Variants in CPPED1 observed in about 807,000 individuals in gnomAD.
CPPED1 encodes serine/threonine-protein phosphatase CPPED1.
In CPPED1, 28 loss-of-function variants were observed where a neutral mutation model predicts 28.0. The observed-to-expected ratio is 1.00, with a 90% CI of 0.74 to 1.37. The LOEUF (loss-of-function observed/expected upper bound fraction) is 1.37. Ranked by LOEUF, CPPED1 falls within the 40% of genes most tolerant of loss-of-function variation. The pLI is 0.00. For synonymous variants in CPPED1, 198 were observed against 180.2 expected, an observed-to-expected ratio of 1.10 and a Z score of -0.79; for missense variants, 504 against 416.5, an observed-to-expected ratio of 1.21 and a Z score of -1.83.
chr16:12,734,581 G>A (rs779258085), intron 2 of CPPED1, among the ~76,000 whole-genome samples: 2 of 152,052 alleles, frequency 1.3e-5, no homozygotes, highest in Non-Finnish European at 2.9e-5. Flanking sequence ...GGGTTTCACC[G>A]TGTTAGCCAG....
intron 1 of CPPED1, among the ~76,000 whole-genome samples, chr16:12,785,908 C>CT (rs2080560141): frequency 6.6e-6 from 1 of 150,674 alleles, no homozygotes; most frequent in Non-Finnish European, 1.5e-5. Context: ...CTGAAGCACT[C>CT]TGAGTATGAC....
chr16:12,711,769 T>A (rs922627808), intron 2 of CPPED1, among the ~76,000 whole-genome samples: 2 of 152,216 alleles, frequency 1.3e-5, no homozygotes, highest in African/African-American at 2.4e-5. Context: ...TCTGGGGATG[T>A]TGCCCTCTGA....
intron 3 of CPPED1, among the ~76,000 whole-genome samples, chr16:12,703,319 C>T (rs974137126): frequency 2.6e-5 from 4 of 152,208 alleles, no homozygotes; most frequent in Non-Finnish European, 2.9e-5. Flanking sequence ...GGTGGGGTGG[C>T]TCACACCTGT....
At chr16:12,744,294 G>GCA (rs199563639) in intron 2 of CPPED1, among the ~76,000 whole-genome samples, 21,637 of 75,298 alleles carry the variant, frequency 0.29, 1,983 homozygotes, top group Middle Eastern at 0.43. Context: ...GAGAGAGAGA[G>GCA]AGAAAGCAAG....
intron 1 of CPPED1, among the ~76,000 whole-genome samples, chr16:12,792,033 C>T (rs1596487306): frequency 6.6e-6 from 1 of 151,850 alleles, no homozygotes; most frequent in African/African-American, 2.4e-5. Flanking sequence ...CTCAAAGCAA[C>T]CTCCGTCCCC....
At chr16:12,706,001 A>G (rs1383858822) in intron 2 of CPPED1, among the ~76,000 whole-genome samples, 1 of 152,164 alleles carries the variant, frequency 6.6e-6, no homozygotes, top group Non-Finnish European at 1.5e-5. Context: ...TAATTCTGCC[A>G]AGGTTCACGT....
At chr16:12,798,007 C>T (rs1450305749) in intron 1 of CPPED1, among the ~76,000 whole-genome samples, 1 of 152,146 alleles carries the variant, frequency 6.6e-6, no homozygotes, top group Non-Finnish European at 1.5e-5. Context: ...CACTTAAGCA[C>T]CACAGGTTGA....
At position 12,802,393 on chromosome 16, in the gene CPPED1, T is replaced by C. The variant is rs545850326; in HGVS notation, c.70+1314A>G. ...GAGGACGGCGGATCACCTGATGTTG[T>C]GAGTTCGAGACCAGCCTGGCCAACA... On this transcript the variant is annotated intron_variant, in intron 1 of 3. Transcript: ENST00000381774. Among the ~76,000 whole-genome samples, 228 of 152,100 alleles carry C rather than the reference T, an allele frequency of 1.5e-3. 1 individual carries two copies. Among genetic ancestry groups the C allele is most frequent in the African/African-American group, 5.1e-3 (213 of 41,508 alleles).
chr16:12,741,138 C>A (rs904979251), intron 2 of CPPED1, among the ~76,000 whole-genome samples: 2 of 152,026 alleles, frequency 1.3e-5, no homozygotes, highest in African/African-American at 4.8e-5. Flanking sequence ...TAACTCCAGG[C>A]CAACTAGGAT....
intron 3 of CPPED1, among the ~76,000 whole-genome samples, chr16:12,665,464 A>C (rs2079820540): frequency 6.6e-6 from 1 of 152,148 alleles, no homozygotes; most frequent in Non-Finnish European, 1.5e-5. Context: ...AGTCCTATAG[A>C]AATATCCAGA....
chr16:12,705,197 C>G (rs772590377), intron 2 of CPPED1, 148 bp from the exon 3 acceptor site: 2 of 869,044 alleles, frequency 2.3e-6, no homozygotes, highest in African/African-American at 1.7e-5. Context: ...AATGCAGTCA[C>G]GTGCTAAAAG....
intron 2 of CPPED1, among the ~76,000 whole-genome samples, chr16:12,732,291 T>C (rs1265382103): frequency 7.1e-6 from 1 of 140,864 alleles, no homozygotes; most frequent in Non-Finnish European, 1.5e-5. Flanking sequence ...AAAAGCTCGG[T>C]AGAAGGCTTA....
chr16:12,665,788 G>A (rs1416501133), intron 3 of CPPED1, among the ~76,000 whole-genome samples: 1 of 152,198 alleles, frequency 6.6e-6, no homozygotes, highest in African/African-American at 2.4e-5. Context: ...GGCTAGGCGT[G>A]GTGGCAGGTG....
chr16:12,745,676 C>T (rs527455528), intron 2 of CPPED1, among the ~76,000 whole-genome samples: 13 of 152,196 alleles, frequency 8.5e-5, no homozygotes, highest in Non-Finnish European at 1.3e-4. Context: ...CCGCTTAAGG[C>T]GGGAGGGTGG....
chr16:12,726,779 A>C (rs946155952), intron 2 of CPPED1, among the ~76,000 whole-genome samples: 1 of 152,126 alleles, frequency 6.6e-6, no homozygotes, highest in Non-Finnish European at 1.5e-5. Context: ...ACTGTACTCC[A>C]GCCTGGGTGA....
chr16:12,705,742 G>A (rs1040567859), intron 2 of CPPED1, among the ~76,000 whole-genome samples: 7 of 152,180 alleles, frequency 4.6e-5, no homozygotes, highest in African/African-American at 1.7e-4. Flanking sequence ...TGGGCAACAA[G>A]AGCGAATCTC....
At chr16:12,724,254 T>C (rs1339051258) in intron 2 of CPPED1, among the ~76,000 whole-genome samples, 2 of 152,158 alleles carry the variant, frequency 1.3e-5, no homozygotes, top group Non-Finnish European at 2.9e-5. Context: ...GGGGTCCCAC[T>C]GACTTACTAC....
chr16:12,705,815 G>A lies in CPPED1; in HGVS notation c.290-766C>T, dbSNP rs564545213. 1.2e-4 allele frequency among the ~76,000 whole-genome samples: 18 copies of A among 152,312 alleles called. No individual in the cohort carries two copies. The East Asian group carries it at 3.3e-3, about 28-fold the overall frequency. On this transcript the variant is annotated intron_variant, in intron 2 of 3. Transcript: ENST00000381774. ...AGCCACCGCGCCGGGCAGAACATGC[G>A]TTCTTTCACTGTTGAATACCAAGTT...
intron 2 of CPPED1, among the ~76,000 whole-genome samples, chr16:12,729,701 G>T (rs2080187685): frequency 6.6e-6 from 1 of 152,080 alleles, no homozygotes; most frequent in Non-Finnish European, 1.5e-5. Context: ...TCATAATAAA[G>T]GTTTCCAGTT....
Sources: allele counts gnomAD v4.1 joint callset (sites outside exome capture counted in the v4.1 genomes callset), GRCh38; gene constraint gnomAD v4.1.1; transcripts MANE v1.5; gene names NCBI Gene and HGNC (gene_info 2026-07-23, HGNC 2026-07-21).